The following FRMPD4 variants were observed in gnomAD, a reference collection of about 807,000 sequenced individuals.
FRMPD4 encodes the protein FERM and PDZ domain containing 4.
A neutral mutation model predicts 94.1 loss-of-function variants in FRMPD4; 22 were observed. The observed-to-expected ratio is 0.23, with a 90% CI of 0.17 to 0.33. The LOEUF is 0.33. FRMPD4 is among the 10% of genes least tolerant of loss of function. The probability of loss-of-function intolerance (pLI) is 1.00; values close to 1 mark genes in which losing one functional copy is unlikely to be tolerated. For synonymous variants in FRMPD4, 631 were observed against 548.6 expected (o/e 1.15, Z -2.10); for missense variants, 1,111 against 1,339.9 (o/e 0.83, Z 2.67).
At chrX:12,536,355 A>G (rs1349213615) in intron 2 of FRMPD4, among the ~76,000 whole-genome samples, 13 of 39,144 alleles carry the variant, frequency 3.3e-4, no homozygotes, top group Non-Finnish European at 8.2e-4. Flanking sequence ...TGTTATAAGG[A>G]AAAAAAAAAA....
chrX:12,094,394 A>G (rs1298023862), intron 3 of FRMPD4, among the ~76,000 whole-genome samples: 1 of 112,240 alleles, frequency 8.9e-6, no homozygotes, highest in Non-Finnish European at 1.9e-5. Flanking sequence ...GAACAGGCAG[A>G]GTTGACTTTT....
At chrX:12,289,351 T>C (rs2054650519) in intron 1 of FRMPD4, among the ~76,000 whole-genome samples, 1 of 112,278 alleles carries the variant, frequency 8.9e-6, no homozygotes, top group African/African-American at 3.2e-5. Flanking sequence ...TCTAGACCTG[T>C]GTTGTCCAAT....
At chrX:12,056,571 T>TG (rs1208982827) in intron 3 of FRMPD4, among the ~76,000 whole-genome samples, 2 of 111,412 alleles carry the variant, frequency 1.8e-5, no homozygotes, top group Non-Finnish European at 3.8e-5. Context: ...TTGGAGAGAA[T>TG]GGGAGTGAGA....
chrX:12,260,059 T>G (rs2054168999), intron 1 of FRMPD4, among the ~76,000 whole-genome samples: 1 of 111,776 alleles, frequency 8.9e-6, no homozygotes, highest in Admixed American at 9.5e-5. Context: ...ATTGCTTTTT[T>G]TGTCACTCTT....
chrX:12,352,568 G>A (rs1010917387), intron 1 of FRMPD4, among the ~76,000 whole-genome samples: 1 of 112,386 alleles, frequency 8.9e-6, no homozygotes, highest in Non-Finnish European at 1.9e-5. Context: ...TTCACTTTTA[G>A]TTAATGTATC....
At chrX:12,453,411 A>G (rs1051487192) in intron 1 of FRMPD4, among the ~76,000 whole-genome samples, 2 of 112,014 alleles carry the variant, frequency 1.8e-5, no homozygotes, top group African/African-American at 6.5e-5. Flanking sequence ...TTTGAAGTGA[A>G]TAATTTACTT....
chrX:12,164,177 C>T (rs2056073899), intron 1 of FRMPD4, among the ~76,000 whole-genome samples: 1 of 110,914 alleles, frequency 9.0e-6, no homozygotes, highest in South Asian at 3.9e-4. Flanking sequence ...GGTATATCTC[C>T]TAATGCTATC....
chrX:12,119,311 C>T lies in FRMPD4; in HGVS notation c.95+241293C>T, dbSNP rs185749126. Among the ~76,000 whole-genome samples the T allele has an allele frequency of 5.3e-3, 595 of 111,856 alleles. 3 individuals are homozygous for T. The highest frequency in any genetic ancestry group is 0.014 in the South Asian group (38 of 2,656). ...TAAGTTTAACACCCTAGGGCTGTTT[C>T]TTTGCTTTCTTCCAATTTCAGTGGC... On this transcript the variant is annotated intron_variant, in intron 3 of 18. Coordinates refer to the FRMPD4 transcript ENST00000640291.
chrX:11,854,093 G>T (rs1444274559), intron 1 of FRMPD4, among the ~76,000 whole-genome samples: 1 of 111,893 alleles, frequency 8.9e-6, no homozygotes, highest in Non-Finnish European at 1.9e-5. Context: ...AATCATGGCA[G>T]AAGGCACCTC....
chrX:12,264,861 A>G (rs2054248301), intron 1 of FRMPD4, among the ~76,000 whole-genome samples: 1 of 112,165 alleles, frequency 8.9e-6, no homozygotes, highest in Admixed American at 9.5e-5. Flanking sequence ...AGCCTAGTGA[A>G]ATATACTTAG....
At chrX:11,944,320 G>A (rs146496230) in intron 3 of FRMPD4, among the ~76,000 whole-genome samples, 1,359 of 112,146 alleles carry the variant, frequency 0.012, 61 homozygotes, top group Admixed American at 0.094. Flanking sequence ...GTAGTGTGAA[G>A]TATGAAAGTC....
intron 12 of FRMPD4, among the ~76,000 whole-genome samples, chrX:12,707,122 G>C (rs1210785834): frequency 4.5e-5 from 5 of 110,646 alleles, no homozygotes; most frequent in Non-Finnish European, 7.6e-5. Context: ...GAAGAACCGA[G>C]AGAATCAAAG....
At chrX:12,149,556 C>G (rs751216985) in intron 1 of FRMPD4, among the ~76,000 whole-genome samples, 20 of 112,104 alleles carry the variant, frequency 1.8e-4, no homozygotes, top group Non-Finnish European at 3.4e-4. Context: ...CATCATCAAA[C>G]TTGAATGGAT....
At chrX:12,585,077 C>T (rs779577528) in intron 2 of FRMPD4, among the ~76,000 whole-genome samples, 6 of 111,075 alleles carry the variant, frequency 5.4e-5, no homozygotes, top group Non-Finnish European at 1.1e-4. Flanking sequence ...GCCACCATAC[C>T]CAGCTAATTT....
At chrX:12,402,354 A>G (rs2056618821) in intron 1 of FRMPD4, among the ~76,000 whole-genome samples, 1 of 111,400 alleles carries the variant, frequency 9.0e-6, no homozygotes. Flanking sequence ...AACGTTCCAC[A>G]AGAGGTCCAA....
At chrX:12,362,917 A>C (rs61655447) in intron 1 of FRMPD4, among the ~76,000 whole-genome samples, 5,041 of 111,775 alleles carry the variant, frequency 0.045, 275 homozygotes, top group African/African-American at 0.15. Flanking sequence ...GTGAGATGGT[A>C]TCTCATTGTG....
At chrX:12,442,510 G>A (rs1194169973) in intron 1 of FRMPD4, among the ~76,000 whole-genome samples, 1 of 111,841 alleles carries the variant, frequency 8.9e-6, no homozygotes, top group East Asian at 2.8e-4. Flanking sequence ...AAAACAAAAT[G>A]CAACCAAAAC....
At position 12,207,298 on chromosome X, in the gene FRMPD4, T is replaced by C. The variant is rs2056704187; in HGVS notation, c.41+68286T>C. Among the ~76,000 whole-genome samples the C allele has an allele frequency of 4.5e-5, 5 of 111,679 alleles. No individual in the cohort carries two copies. The South Asian group carries it at 1.5e-3, about 34-fold the overall frequency. On this transcript the variant is annotated intron_variant, in intron 1 of 16. Coordinates refer to ENST00000675598, the MANE Select transcript of FRMPD4 (RefSeq NM_001368397.1). ...TTTAAAACCTATTAAGCCCCAATGC[T>C]CTTTTCTTTAGATAGAAATTTCTCA... is the stretch of plus-strand genomic sequence containing the variant.
intron 1 of FRMPD4, among the ~76,000 whole-genome samples, chrX:11,830,738 A>G (rs1023283952): frequency 2.7e-5 from 3 of 111,951 alleles, no homozygotes; most frequent in African/African-American, 9.7e-5. Context: ...CTCCCCCGTC[A>G]TGTCAGATAC....
Sources: gnomAD v4.1 joint callset for allele counts (sites outside exome capture counted in the v4.1 genomes callset) on GRCh38, gnomAD v4.1.1 for gene constraint, MANE v1.5 for transcripts, NCBI Gene and HGNC (gene_info 2026-07-23, HGNC 2026-07-21) for gene names.